The following MALT1 variants were observed in gnomAD, a reference collection of about 807,000 sequenced individuals.
MALT1 encodes mucosa-associated lymphoid tissue lymphoma translocation protein 1.
In MALT1, 36 loss-of-function variants were observed where a neutral mutation model predicts 85.5. The ratio of observed to expected loss-of-function variants is 0.42; its 90% CI spans 0.32 to 0.56. The LOEUF (loss-of-function observed/expected upper bound fraction) is 0.56, where lower values mean the gene tolerates loss of function less well. Ranked by LOEUF, MALT1 falls within the 20% of genes least tolerant of loss-of-function variation. The pLI, the probability that MALT1 is intolerant of heterozygous loss-of-function variation, is 0.10. For synonymous variants in MALT1, 359 were observed against 361.3 expected (o/e 0.99, Z 0.07); for missense variants, 716 against 981.6 (o/e 0.73, Z 3.62).
intron 16 of MALT1, 74 bp from the exon 17 acceptor site, chr18:58,747,331 A>G: frequency 2.1e-6 from 2 of 930,736 alleles, no homozygotes; most frequent in Non-Finnish European, 3.4e-6. Flanking sequence ...GGGGGTGTGT[A>G]TGTGTGAATA....
At chr18:58,742,820 G>A (rs945568825) in intron 14 of MALT1, among the ~76,000 whole-genome samples, 5 of 152,204 alleles carry the variant, frequency 3.3e-5, no homozygotes, top group African/African-American at 7.2e-5. Flanking sequence ...TTGATTATTC[G>A]TATAACTGAG....
intron 10 of MALT1, among the ~76,000 whole-genome samples, chr18:58,730,635 C>T (rs191821263): frequency 1.1e-4 from 16 of 152,290 alleles, no homozygotes; most frequent in East Asian, 5.8e-4. Context: ...CATTTCTCTT[C>T]GGTATGTACC....
At chr18:58,697,076 G>T (rs1039900707) in intron 3 of MALT1, 2 of 152,102 alleles carry the variant, frequency 1.3e-5, no homozygotes, top group South Asian at 2.1e-4. Context: ...TTGCACTGGG[G>T]ATTTCTCAGT....
chr18:58,734,038 C>T, intron 11 of MALT1: 1 of 1,267,894 alleles, frequency 7.9e-7, no homozygotes, highest in Non-Finnish European at 1.0e-6. Flanking sequence ...ATGACTGTTC[C>T]TCTAGATTTA....
At chr18:58,704,733 C>T (rs1233898910) in intron 4 of MALT1, among the ~76,000 whole-genome samples, 5 of 152,300 alleles carry the variant, frequency 3.3e-5, no homozygotes, top group East Asian at 3.9e-4. Context: ...CATGAGCCAC[C>T]GCGCCTGGCC....
chr18:58,675,828 G>A (rs1273633138), intron 1 of MALT1, among the ~76,000 whole-genome samples: 4 of 152,022 alleles, frequency 2.6e-5, no homozygotes, highest in African/African-American at 9.7e-5. Flanking sequence ...CTAGATTCAC[G>A]TATGTAAACA....
intron 10 of MALT1, among the ~76,000 whole-genome samples, chr18:58,727,616 G>GTTGTTTTTTTTTTTTTTTTTTTTTTT (rs2055077320): frequency 8.2e-6 from 1 of 121,264 alleles, no homozygotes; most frequent in African/African-American, 3.3e-5. Context: ...GGTTTTTTGT[G>GTTGTTTTTTTTTTTTTTTTTTTTTTT]TTTTTTTTTT....
chr18:58,740,244 C>T (rs73451264), intron 13 of MALT1, among the ~76,000 whole-genome samples: 4,185 of 152,190 alleles, frequency 0.027, 164 homozygotes, highest in African/African-American at 0.094. Flanking sequence ...TTATTGCCAG[C>T]TTTTGCCAAT....
Position 58,707,694 on chromosome 18 carries a change from A to T in MALT1, c.650-1684A>T, listed in dbSNP as rs2054773209. On this transcript the variant is annotated intron_variant, in intron 4 of 16. Transcript: ENST00000649217. ...TAGCATTAACATATGAGATTAACAT[A>T]TTACACATTAACATATAGAGATTGA... 3.9e-5 allele frequency among the ~76,000 whole-genome samples: 6 copies of T among 152,214 alleles called. No individual in the cohort carries two copies. The South Asian group carries it at 1.2e-3, about 32-fold the overall frequency.
chr18:58,686,046 CT>C (rs2054397038), intron 2 of MALT1, among the ~76,000 whole-genome samples: 2 of 151,972 alleles, frequency 1.3e-5, no homozygotes, highest in South Asian at 4.2e-4. Context: ...TGTTTGTTTG[CT>C]TTTTGAGTCT....
intron 10 of MALT1, among the ~76,000 whole-genome samples, chr18:58,727,628 G>GTTTTTTTTTTTTTTTTTTTTTTTTTT (rs74183292): frequency 2.3e-5 from 3 of 130,642 alleles, no homozygotes; most frequent in African/African-American, 9.0e-5. Context: ...TTTTTTTTTT[G>GTTTTTTTTTTTTTTTTTTTTTTTTTT]TTTTTTTTTT....
In MALT1 at chr18:58,750,720, C is replaced by T. The variant is rs1275183900; in HGVS notation, c.*2878C>T. 6.6e-6 allele frequency: 1 copy of T among 152,184 alleles called. No individual in the cohort carries two copies. The highest frequency in any genetic ancestry group is 1.5e-5 in the Non-Finnish European group (1 of 68,036). The allele number at this position is 152,184 out of a possible 1,614,324, so 9.4% of individuals were successfully genotyped here. A position where few individuals can be genotyped will look rare whatever the true frequency, so the allele number is the denominator to read the frequency against. On this transcript the variant is annotated 3_prime_UTR_variant, in exon 17 of 17. Coordinates refer to ENST00000649217, the MANE Select transcript of MALT1 (RefSeq NM_006785.4). ...GGATCCCTACCTTCCTACCACATTA[C>T]AAATTCTAACTCAAAATGGATCATA...
rs747716320 is a variant in MALT1 at position 58,681,132 on chromosome 18, A to G, written c.210-38A>G. The G allele has an allele frequency of 5.0e-6, 8 of 1,601,478 alleles. No individual in the cohort carries two copies. In the African/African-American group the frequency reaches 9.4e-5, roughly 19 times the overall value. ...ATATATAGCAGGTGTATCATGTGGA[A>G]GAAAGCTGTTGACTTGAATTCTTTC... On this transcript the variant is annotated intron_variant, in intron 1 of 16. Transcript: ENST00000649217.
At chr18:58,673,768 TC>T (rs1164229961) in intron 1 of MALT1, among the ~76,000 whole-genome samples, 3 of 152,158 alleles carry the variant, frequency 2.0e-5, no homozygotes, top group Non-Finnish European at 2.9e-5. Flanking sequence ...TCTTAAACCC[TC>T]CTGACAACTC....
In MALT1 at chr18:58,748,000, T is replaced by G. The variant is rs1371994674; in HGVS notation, c.*158T>G. 1.7e-6 allele frequency: 1 copy of G among 605,736 alleles called. No individual in the cohort carries two copies. Among genetic ancestry groups the G allele is most frequent in the African/African-American group, 1.9e-5 (1 of 53,922 alleles). 37.5% of individuals were successfully genotyped at this position (605,736 alleles called of 1,614,324 possible). On this transcript the variant is annotated 3_prime_UTR_variant, in exon 17 of 17. Transcript: ENST00000649217. ...ACTTCAGGACTTTGAGATGTTGAAA[T>G]TACATTATTTAATTACAGACTTCCT...
intron 1 of MALT1, among the ~76,000 whole-genome samples, chr18:58,676,954 A>G (rs2054248666): frequency 6.6e-6 from 1 of 152,204 alleles, no homozygotes; most frequent in Non-Finnish European, 1.5e-5. Flanking sequence ...AATACATTCT[A>G]TTTGATTATA....
At chr18:58,696,208 G>T (rs1333066671) in intron 2 of MALT1, among the ~76,000 whole-genome samples, 158 bp from the exon 3 acceptor site, 1 of 152,190 alleles carries the variant, frequency 6.6e-6, no homozygotes, top group East Asian at 1.9e-4. Flanking sequence ...AACTCACAAA[G>T]TGTAAATTGA....
At position 58,709,999 on chromosome 18, in the gene MALT1, C is replaced by T. The variant is rs2054809718; in HGVS notation, c.852C>T (p.His284=). 6.2e-7 allele frequency: 1 copy of T among 1,610,726 alleles called. No homozygotes were observed. The change falls in exon 6 of 17, where the codon CAC becomes CAT. Residue 284 remains histidine, a synonymous_variant. Transcript: ENST00000649217. ...LYMVPYVDLE[H]QGTYWCHVYN... is the part of the protein sequence containing the mutation. ...AGGTGCCTTATGTGGATTTGGAACA[C>T]CAAGGAACCTACTGGTGTCATGTAT... is the stretch of plus-strand genomic sequence containing the variant.
intron 2 of MALT1, among the ~76,000 whole-genome samples, chr18:58,685,283 A>AAGGTTTGGGTTATG (rs1216579666): frequency 1.2e-4 from 18 of 152,218 alleles, no homozygotes; most frequent in African/African-American, 4.1e-4. Context: ...TATGCTGTGA[A>AAGGTTTGGGTTATG]CTGGCCTTTG....
Sources: gnomAD v4.1 joint callset for allele counts (sites outside exome capture counted in the v4.1 genomes callset) on GRCh38, gnomAD v4.1.1 for gene constraint, MANE v1.5 for transcripts, NCBI Gene and HGNC (gene_info 2026-07-23, HGNC 2026-07-21) for gene names.